ZCCHC2: variants seen among roughly 807,000 people sequenced by gnomAD.
The protein encoded by ZCCHC2 is zinc finger CCHC domain-containing protein 2.
A neutral mutation model predicts 103.6 loss-of-function variants in ZCCHC2; 39 were observed. That is an observed-to-expected ratio of 0.38 (90% CI 0.29 to 0.49). ZCCHC2 has a LOEUF of 0.49. Among genes scored for constraint, ZCCHC2 ranks in the 20% least tolerant of loss-of-function variants. The probability of loss-of-function intolerance (pLI) is 0.96; values close to 1 mark genes in which losing one functional copy is unlikely to be tolerated. For synonymous variants in ZCCHC2, 687 were observed against 608.9 expected (o/e 1.13, Z -1.89); for missense variants, 1,483 against 1,491.0 (o/e 0.99, Z 0.09).
intron 4 of ZCCHC2, among the ~76,000 whole-genome samples, chr18:62,548,276 A>G (rs1327164293): frequency 6.6e-6 from 1 of 152,112 alleles, no homozygotes; most frequent in Non-Finnish European, 1.5e-5. Context: ...TTTTTAGCAA[A>G]TGAGTCTTTC....
chr18:62,547,646 C>G (rs942723252), intron 4 of ZCCHC2, among the ~76,000 whole-genome samples: 1 of 151,866 alleles, frequency 6.6e-6, no homozygotes, highest in Non-Finnish European at 1.5e-5. Context: ...ACAGCAACCT[C>G]TGCCTCCCCA....
downstream of ZCCHC2, among the ~76,000 whole-genome samples, chr18:62,583,250 T>C (rs1369783212): frequency 6.6e-6 from 1 of 152,202 alleles, no homozygotes; most frequent in Non-Finnish European, 1.5e-5. Flanking sequence ...TGATGAACGA[T>C]ATAGAAGCTA....
chr18:62,578,300 G>A lies in ZCCHC2; in HGVS notation c.*1721G>A, dbSNP rs1037957523. ...TTTGGACCACATTATTAAATTAATT[G>A]TTAAGCTGCAGTTGAGTTGTTCAAG... On this transcript the variant is annotated 3_prime_UTR_variant, in exon 14 of 14. Transcript: ENST00000269499. 11 of 152,686 alleles carry A rather than the reference G, an allele frequency of 7.2e-5. No individual in the cohort carries two copies. The highest frequency in any genetic ancestry group is 2.6e-4 in the African/African-American group (11 of 41,560). The allele number at this position is 152,686 out of a possible 1,614,324, so 9.5% of individuals were successfully genotyped here.
chr18:62,579,403 G>A (rs781324789), downstream of ZCCHC2, among the ~76,000 whole-genome samples: 23 of 152,208 alleles, frequency 1.5e-4, no homozygotes, highest in Non-Finnish European at 2.5e-4. Context: ...TTGGGGGCCT[G>A]TGTGTGTTGC....
In ZCCHC2 at chr18:62,575,338, A is replaced by G. The variant is rs1916793687; in HGVS notation, c.3257A>G (p.His1086Arg). 1.2e-6 allele frequency: 2 copies of G among 1,613,982 alleles called. No individual in the cohort carries two copies. The highest frequency in any genetic ancestry group is 1.1e-5 in the South Asian group (1 of 91,058). The change falls in exon 13 of 14, where the codon CAT becomes CGT. Residue 1086 changes from histidine (H) to arginine (R), a missense_variant. Physicochemically the swap from His to Arg is conservative, Grantham distance 29 (BLOSUM62 0). This residue lies in a region of ZCCHC2 where 884 missense variants were observed against 907.5 expected (regional missense o/e 0.97). Coordinates refer to ENST00000269499, the MANE Select transcript of ZCCHC2 (RefSeq NM_017742.6). ...ACTCCATATGCAAATGGACTGGTAC[A>G]TGACCCAGTCATGGGGAGCCAAGCC... The part of the protein sequence containing the change: ...PQTPYANGLV[H>R]DPVMGSQANY...
intron 4 of ZCCHC2, among the ~76,000 whole-genome samples, chr18:62,545,539 T>C (rs889146476): frequency 9.2e-5 from 14 of 152,214 alleles, no homozygotes; most frequent in Admixed American, 6.5e-5. Context: ...GTATCTTAGA[T>C]CATTTTGTTC....
At chr18:62,527,610 C>G (rs552411268) in intron 1 of ZCCHC2, among the ~76,000 whole-genome samples, 5 of 152,076 alleles carry the variant, frequency 3.3e-5, no homozygotes, top group African/African-American at 1.2e-4. Flanking sequence ...ATCTCACATT[C>G]CTCACACAAC....
rs190583336 is a variant in ZCCHC2, at chr18:62,549,174, G to C, written c.1201-1174G>C. Reference sequence around the variant, plus strand: ...GTGGAGCTTGCAGTGAGCCGAGATCGCGCCACTGCGCTCCAGCCTGGGCAA... The same window carrying C: ...GTGGAGCTTGCAGTGAGCCGAGATCCCGCCACTGCGCTCCAGCCTGGGCAA... On this transcript the variant is annotated intron_variant, in intron 4 of 13. Transcript: ENST00000269499. 4.5e-3 allele frequency among the ~76,000 whole-genome samples: 680 copies of C among 151,608 alleles called. 4 individuals are homozygous for C. Among genetic ancestry groups the C allele is most frequent in the African/African-American group, 0.016 (644 of 41,288 alleles).
At chr18:62,536,258 A>C (rs113384772) in intron 1 of ZCCHC2, among the ~76,000 whole-genome samples, 6 of 152,356 alleles carry the variant, frequency 3.9e-5, no homozygotes, top group African/African-American at 1.4e-4. Context: ...GATAGGACAG[A>C]AGAAGCTCTG....
In ZCCHC2 at chr18:62,556,350, T is replaced by G. The variant is rs565739704; in HGVS notation, c.1408+53T>G. ...ATCTTTTTTCTTTGTTGGATTTTATTGCTTTACTGTGTCATTTTGTGTAGG... is the reference window on the plus strand; with the variant it reads ...ATCTTTTTTCTTTGTTGGATTTTATGGCTTTACTGTGTCATTTTGTGTAGG... On this transcript the variant is annotated intron_variant, in intron 6 of 13. Coordinates refer to ENST00000269499, the MANE Select transcript of ZCCHC2 (RefSeq NM_017742.6). 44 of 1,353,208 alleles carry G rather than the reference T, an allele frequency of 3.3e-5. No homozygotes were observed. The East Asian group carries it at 9.7e-4, about 30-fold the overall frequency. 83.8% of individuals were successfully genotyped at this position (1,353,208 alleles called of 1,614,324 possible).
intron 12 of ZCCHC2, among the ~76,000 whole-genome samples, chr18:62,570,911 G>A (rs1367788221): frequency 6.6e-6 from 1 of 152,164 alleles, no homozygotes; most frequent in African/African-American, 2.4e-5. Context: ...TTGCACAGAG[G>A]CTTAAAATCA....
chr18:62,545,694 TAG>T (rs778827884), intron 4 of ZCCHC2, among the ~76,000 whole-genome samples: 1 of 152,216 alleles, frequency 6.6e-6, no homozygotes, highest in Non-Finnish European at 1.5e-5. Flanking sequence ...TTATTGTTAG[TAG>T]AGAGATAAAG....
chr18:62,562,882 C>T, intron 8 of ZCCHC2, 127 bp from the exon 9 acceptor site: 4 of 1,027,600 alleles, frequency 3.9e-6, no homozygotes, highest in Non-Finnish European at 5.6e-6. Context: ...TTTCTTAGAC[C>T]TATCATTAGG....
Position 62,574,337 on chromosome 18 carries a change from T to C in ZCCHC2, c.2256T>C (p.Val752=). 1 of 1,614,054 alleles carries C rather than the reference T, an allele frequency of 6.2e-7. No individual in the cohort carries two copies. The highest frequency in any genetic ancestry group is 8.5e-7 in the Non-Finnish European group (1 of 1,179,902). Residue 752 remains valine, a synonymous_variant, in exon 13 of 14, where the codon GTT becomes GTC. Coordinates refer to ENST00000269499, the MANE Select transcript of ZCCHC2 (RefSeq NM_017742.6). ...ATGGCAAAACCATAGGGATGCTTGT[T>C]CCTAGTCCTGTTGCTATTTCTGCAA... ...PADGKTIGML[V]PSPVAISAIR...
intron 3 of ZCCHC2, 81 bp downstream of exon 3, chr18:62,542,655 T>C: frequency 3.3e-6 from 4 of 1,209,748 alleles, no homozygotes; most frequent in Non-Finnish European, 4.7e-6. Flanking sequence ...GTTTGCTAAT[T>C]TAAGGGAAAA....
chr18:62,526,273 A>C (rs1469315163), intron 1 of ZCCHC2: 2 of 152,268 alleles, frequency 1.3e-5, no homozygotes, highest in Non-Finnish European at 2.9e-5. Context: ...ACGTCAGCAC[A>C]TCACTGCTTC....
chr18:62,552,467 G>A (rs569525526), intron 5 of ZCCHC2: 2 of 152,272 alleles, frequency 1.3e-5, no homozygotes, highest in East Asian at 1.9e-4. Flanking sequence ...CCAGGAGTTA[G>A]CCATTACACT....
rs759098151 is a variant in ZCCHC2 at position 62,575,047 on chromosome 18, T to G, written c.2966T>G (p.Ile989Ser). 2 of 1,613,922 alleles carry G rather than the reference T, an allele frequency of 1.2e-6. No homozygotes were observed. Among genetic ancestry groups the G allele is most frequent in the Non-Finnish European group, 1.7e-6 (2 of 1,179,872 alleles). ...STAQSDSTSY[I>S]SAVGNTNANG... ...GCGCAGAGTGACAGCACCTCTTACA[T>G]CAGTGCTGTGGGGAACACGAACGCT... Residue 989 changes from isoleucine (I) to serine (S), a missense_variant, in exon 13 of 14, where the codon ATC becomes AGC. Ile to Ser is a moderately radical substitution (Grantham distance 142). Around this residue, in one of 3 missense-constraint regions of ZCCHC2, gnomAD observed 884 missense variants for 907.5 expected, o/e 0.97. Transcript: ENST00000269499.
At chr18:62,559,495 A>C (rs886077993) in intron 7 of ZCCHC2, among the ~76,000 whole-genome samples, 1 of 152,272 alleles carries the variant, frequency 6.6e-6, no homozygotes, top group Non-Finnish European at 1.5e-5. Flanking sequence ...CATCAAGGAT[A>C]TGAAGCAGTG....
Sources: allele counts gnomAD v4.1 joint callset (sites outside exome capture counted in the v4.1 genomes callset), GRCh38; gene constraint gnomAD v4.1.1; regional missense constraint gnomAD v4.1.1; transcripts MANE v1.5; gene names NCBI Gene and HGNC (gene_info 2026-07-23, HGNC 2026-07-21).